TAFA1: variants seen among roughly 807,000 people sequenced by gnomAD.
The protein encoded by TAFA1 is chemokine-like protein TAFA-1.
A neutral mutation model predicts 18.5 loss-of-function variants in TAFA1; 4 were observed. The ratio of observed to expected loss-of-function variants is 0.22; its 90% confidence interval spans 0.11 to 0.49. TAFA1 has a LOEUF of 0.49. TAFA1 is among the 20% of genes least tolerant of loss of function. TAFA1 has a pLI of 0.98. For synonymous variants in TAFA1, 56 were observed against 55.2 expected (o/e 1.01, Z -0.06); for missense variants, 147 against 169.0 (o/e 0.87, Z 0.72).
At chr3:68,097,173 C>T (rs951768710) in intron 2 of TAFA1, among the ~76,000 whole-genome samples, 1 of 152,120 alleles carries the variant, frequency 6.6e-6, no homozygotes, top group Non-Finnish European at 1.5e-5. Context: ...TCGCCTGACA[C>T]ACAAGCAATG....
chr3:68,198,935 G>A (rs2066442783), intron 2 of TAFA1, among the ~76,000 whole-genome samples: 2 of 151,406 alleles, frequency 1.3e-5, no homozygotes, highest in Admixed American at 1.3e-4. Context: ...TATCTGAAAA[G>A]TAATCACCAA....
At chr3:68,486,293 A>G (rs2072338860) in intron 3 of TAFA1, among the ~76,000 whole-genome samples, 1 of 151,882 alleles carries the variant, frequency 6.6e-6, no homozygotes, top group African/African-American at 2.4e-5. Context: ...AGCCTGAACA[A>G]CTAGTTACTA....
intron 2 of TAFA1, among the ~76,000 whole-genome samples, chr3:68,361,278 G>A (rs896546016): frequency 6.6e-6 from 1 of 151,996 alleles, no homozygotes; most frequent in Non-Finnish European, 1.5e-5. Context: ...CTCACAGGTA[G>A]GAGCTAAAAA....
intron 2 of TAFA1, among the ~76,000 whole-genome samples, chr3:68,101,909 C>G (rs369148807): frequency 6.6e-6 from 1 of 152,154 alleles, no homozygotes; most frequent in Admixed American, 6.6e-5. Context: ...CCCAGATTAA[C>G]ACAGATCTCA....
In TAFA1 at chr3:68,417,333, A is replaced by G; in HGVS notation, c.172A>G (p.Ile58Val). 1.2e-6 allele frequency: 2 copies of G among 1,613,538 alleles called. No individual in the cohort carries two copies. The highest frequency in any genetic ancestry group is 1.7e-6 in the Non-Finnish European group (2 of 1,179,680). ...ACACCGATGTTGTAACAAGAATCGC[A>G]TTGAGGAGCGGTCACAAACAGTAAA... ...AAHRCCNKNR[I>V]EERSQTVKCS... Residue 58 changes from isoleucine (I) to valine (V), a missense_variant, in exon 3 of 5, where the codon ATT (isoleucine) becomes GTT (valine). By Grantham distance (29) the Ile-to-Val change is conservative. Transcript: ENST00000478136.
At chr3:68,277,515 G>A (rs1232045833) in intron 2 of TAFA1, among the ~76,000 whole-genome samples, 1 of 152,118 alleles carries the variant, frequency 6.6e-6, no homozygotes, top group Non-Finnish European at 1.5e-5. Flanking sequence ...AAAGGCAGGT[G>A]CTCCCCGAAT....
At chr3:68,451,796 GA>G (rs1252855203) in intron 3 of TAFA1, among the ~76,000 whole-genome samples, 2 of 152,212 alleles carry the variant, frequency 1.3e-5, no homozygotes, top group Admixed American at 6.5e-5. Flanking sequence ...GGCTGGAGGG[GA>G]GAGGTGGTGA....
chr3:68,462,750 G>A (rs1050974379), intron 3 of TAFA1, among the ~76,000 whole-genome samples: 37 of 152,008 alleles, frequency 2.4e-4, no homozygotes, highest in African/African-American at 8.9e-4. Context: ...TTTATGTTAC[G>A]TGGAATTATC....
chr3:68,152,862 C>T (rs758968775), intron 2 of TAFA1, among the ~76,000 whole-genome samples: 18 of 152,006 alleles, frequency 1.2e-4, no homozygotes, highest in East Asian at 3.9e-4. Flanking sequence ...AACTCCTCTC[C>T]GAACCAAGCA....
At chr3:68,437,788 C>A (rs1008248302) in intron 3 of TAFA1, among the ~76,000 whole-genome samples, 8 of 152,154 alleles carry the variant, frequency 5.3e-5, no homozygotes, top group Non-Finnish European at 7.4e-5. Context: ...ATTTTCAAAC[C>A]ATAGCATTCT....
At chr3:68,038,107 G>A (rs1341348108) in intron 2 of TAFA1, among the ~76,000 whole-genome samples, 7 of 152,142 alleles carry the variant, frequency 4.6e-5, no homozygotes, top group Admixed American at 2.0e-4. Flanking sequence ...GCTGAATTTT[G>A]TCTACAGTAT....
chr3:68,320,405 T>C (rs1197599073), intron 2 of TAFA1, among the ~76,000 whole-genome samples: 1 of 152,182 alleles, frequency 6.6e-6, no homozygotes, highest in Non-Finnish European at 1.5e-5. Context: ...TCCAGGCTCT[T>C]GTGCCAGCTG....
chr3:68,112,717 GA>G (rs2106840038), intron 2 of TAFA1, among the ~76,000 whole-genome samples: 1 of 152,096 alleles, frequency 6.6e-6, no homozygotes, highest in Non-Finnish European at 1.5e-5. Context: ...ATTAATAGGT[GA>G]TATTAGCAAG....
At chr3:67,992,925 A>T in the TAFA1 span, among the ~76,000 whole-genome samples, 4 of 152,214 alleles carry the variant, frequency 2.6e-5, no homozygotes, top group African/African-American at 9.6e-5. Flanking sequence ...CACTTGAGCC[A>T]ATCTCTGCTG....
At chr3:68,463,859 C>G (rs534277937) in intron 3 of TAFA1, among the ~76,000 whole-genome samples, 182 of 152,196 alleles carry the variant, frequency 1.2e-3, no homozygotes, top group African/African-American at 3.9e-3. Flanking sequence ...GCCTCCTGAA[C>G]AGCCATCTTG....
chr3:68,481,117 T>C (rs984239202), intron 3 of TAFA1, among the ~76,000 whole-genome samples: 7 of 152,212 alleles, frequency 4.6e-5, no homozygotes, highest in Non-Finnish European at 1.0e-4. Context: ...TTATCAGCAG[T>C]GTGAAAACAA....
chr3:68,119,503 T>C (rs1242125430), intron 2 of TAFA1, among the ~76,000 whole-genome samples: 1 of 152,226 alleles, frequency 6.6e-6, no homozygotes, highest in Non-Finnish European at 1.5e-5. Flanking sequence ...CTTCTAAGCT[T>C]TTAAGTTTAG....
intron 3 of TAFA1, among the ~76,000 whole-genome samples, chr3:68,489,545 AC>A (rs1282409769): frequency 6.6e-6 from 1 of 152,028 alleles, no homozygotes; most frequent in Non-Finnish European, 1.5e-5. Context: ...TGGTCCGTAG[AC>A]CCCCGGTGTT....
At chr3:68,492,037 T>C (rs2072463625) in intron 3 of TAFA1, among the ~76,000 whole-genome samples, 1 of 152,200 alleles carries the variant, frequency 6.6e-6, no homozygotes, top group Non-Finnish European at 1.5e-5. Context: ...CTTATTTCCT[T>C]AGTCTACGTA....
Sources: gnomAD v4.1 joint callset for allele counts (sites outside exome capture counted in the v4.1 genomes callset) on GRCh38, gnomAD v4.1.1 for gene constraint, MANE v1.5 for transcripts, NCBI Gene and HGNC (gene_info 2026-07-23, HGNC 2026-07-21) for gene names.